The following COL4A4 variants were observed in gnomAD, a reference collection of about 807,000 sequenced individuals.
COL4A4 encodes collagen alpha-4(IV) chain.
In COL4A4, 105 loss-of-function variants were observed where a neutral mutation model predicts 192.9. That is an observed-to-expected ratio of 0.54 (90% CI 0.46 to 0.64). COL4A4 has a LOEUF of 0.64. Ranked by LOEUF, COL4A4 falls within the 30% of genes least tolerant of loss-of-function variation. COL4A4 has a pLI of 0.00. For missense variants in COL4A4, 1,967 were observed against 2,169.3 expected (o/e 0.91, Z 1.85); for synonymous variants, 762 against 769.9 (o/e 0.99, Z 0.17).
intron 33 of COL4A4, 73 bp from the exon 34 acceptor site, chr2:227,050,204 T>C (rs1001196501): frequency 7.2e-7 from 1 of 1,396,458 alleles, no homozygotes; most frequent in East Asian, 2.3e-5. Context: ...CACGATCCAG[T>C]TGTAATTTTC....
chr2:227,022,308 ATGTT>A (rs1966164941), intron 43 of COL4A4, 135 bp from the exon 44 acceptor site: 1 of 1,181,236 alleles, frequency 8.5e-7, no homozygotes, highest in South Asian at 1.2e-5. Flanking sequence ...TTCAGTATAA[ATGTT>A]TGTAAAGATT....
the COL4A4 span, among the ~76,000 whole-genome samples, chr2:226,982,081 G>T: frequency 1.3e-5 from 2 of 152,018 alleles, no homozygotes; most frequent in Admixed American, 1.3e-4. Context: ...ACTTCCCCCC[G>T]CCCTCTTTTC....
chr2:227,008,730 G>T (rs1962782532), intron 46 of COL4A4, among the ~76,000 whole-genome samples: 2 of 152,354 alleles, frequency 1.3e-5, no homozygotes, highest in South Asian at 4.1e-4. Flanking sequence ...AGCCAGGCTT[G>T]GAGATGGTGG....
chr2:226,975,158 A>G, the COL4A4 span, among the ~76,000 whole-genome samples: 2 of 152,222 alleles, frequency 1.3e-5, no homozygotes, highest in Admixed American at 6.5e-5. Context: ...CCAAGATTTA[A>G]TATGGTGCCC....
intron 18 of COL4A4, 105 bp from the exon 19 acceptor site, chr2:227,098,903 A>G: frequency 1.1e-6 from 1 of 931,398 alleles, no homozygotes; most frequent in East Asian, 2.6e-5. Context: ...ATTAGGAGAC[A>G]TTTTTGCAGT....
rs2059641025 is a variant in COL4A4, at chr2:227,087,059, C to T, written c.1623+1594G>A. 1.3e-5 allele frequency among the ~76,000 whole-genome samples: 2 copies of T among 152,130 alleles called. 1 individual carries two copies. Among genetic ancestry groups the T allele is most frequent in the African/African-American group, 4.8e-5 (2 of 41,422 alleles). ...GCTTGATGGTCAAGTTCCAGGCCATCCCAGGATTGAGCCTTGTTAATAAGG... is the reference window on the plus strand; with the variant it reads ...GCTTGATGGTCAAGTTCCAGGCCATTCCAGGATTGAGCCTTGTTAATAAGG... On this transcript the variant is annotated intron_variant, in intron 22 of 47. Coordinates refer to ENST00000396625, the MANE Select transcript of COL4A4 (RefSeq NM_000092.5).
At chr2:227,137,183 A>G (rs1373738965) in intron 4 of COL4A4, among the ~76,000 whole-genome samples, 2 of 151,660 alleles carry the variant, frequency 1.3e-5, no homozygotes, top group Non-Finnish European at 2.9e-5. Flanking sequence ...GAGACTGCTT[A>G]GAGGGTGGAA....
intron 4 of COL4A4, among the ~76,000 whole-genome samples, chr2:227,125,955 A>C (rs568521263): frequency 1.3e-5 from 2 of 152,258 alleles, no homozygotes; most frequent in South Asian, 4.2e-4. Flanking sequence ...AGAGAACAAC[A>C]AACTCTTTAT....
chr2:227,089,588 C>CATATAT lies in COL4A4; in HGVS notation c.1459+274_1459+279dup, dbSNP rs527917534. ...CAAAATTCATGGCAGGCAAATGTTC[C>CATATAT]ATATATATATATATATATATACATA... On this transcript the variant is annotated intron_variant, in intron 21 of 47. Coordinates refer to ENST00000396625, the MANE Select transcript of COL4A4 (RefSeq NM_000092.5). 2.0e-3 allele frequency among the ~76,000 whole-genome samples: 205 copies of CATATAT among 102,210 alleles called. 6 individuals carry two copies. The highest frequency in any genetic ancestry group is 5.8e-3 in the African/African-American group (166 of 28,414). The allele number at this position is 102,210 out of a possible 152,430, so 67.1% of individuals were successfully genotyped here. A position where few individuals can be genotyped will look rare whatever the true frequency, so the allele number is the denominator to read the frequency against.
At chr2:227,138,206 C>T (rs2062947409) in intron 4 of COL4A4, among the ~76,000 whole-genome samples, 1 of 151,792 alleles carries the variant, frequency 6.6e-6, no homozygotes, top group Admixed American at 6.6e-5. Context: ...TAGGCCCAGC[C>T]ACTTGGGAGG....
At chr2:227,113,321 T>G (rs2061323315) in intron 8 of COL4A4, among the ~76,000 whole-genome samples, 1 of 152,164 alleles carries the variant, frequency 6.6e-6, no homozygotes, top group Non-Finnish European at 1.5e-5. Flanking sequence ...TACAGGTCAT[T>G]TTTATTAGGG....
At chr2:226,971,036 C>T in the COL4A4 span, among the ~76,000 whole-genome samples, 1 of 152,170 alleles carries the variant, frequency 6.6e-6, no homozygotes, top group Non-Finnish European at 1.5e-5. Flanking sequence ...TGGTACATTT[C>T]GTAGACACTT....
the COL4A4 span, among the ~76,000 whole-genome samples, chr2:226,990,082 T>A: frequency 2.0e-5 from 3 of 152,236 alleles, no homozygotes; most frequent in Admixed American, 2.0e-4. Context: ...TAAGTTAATT[T>A]CACACTATTT....
At chr2:227,151,696 G>T (rs2063958234) in intron 1 of COL4A4, among the ~76,000 whole-genome samples, 1 of 152,186 alleles carries the variant, frequency 6.6e-6, no homozygotes, top group Non-Finnish European at 1.5e-5. Flanking sequence ...AAGAGGTGAG[G>T]CATCTGGGAC....
At chr2:227,140,103 T>C (rs1242614693) in intron 4 of COL4A4, 58 bp downstream of exon 4, 1 of 1,439,274 alleles carries the variant, frequency 6.9e-7, no homozygotes, top group African/African-American at 1.4e-5. Context: ...TTATATTAAA[T>C]ATTCACAAGT....
intron 1 of COL4A4, among the ~76,000 whole-genome samples, chr2:227,159,477 T>A (rs1179722553): frequency 1.3e-5 from 2 of 152,238 alleles, no homozygotes; most frequent in Non-Finnish European, 2.9e-5. Context: ...GGAACATAGA[T>A]TATACCTCAA....
the COL4A4 span, chr2:226,995,598 T>C: frequency 1.0e-6 from 1 of 975,598 alleles, no homozygotes; most frequent in African/African-American, 1.6e-5. Flanking sequence ...CCCTAATTCA[T>C]TTTAATTCAT....
chr2:227,032,252 C>G lies in COL4A4; in HGVS notation c.3602G>C (p.Gly1201Ala). 1 of 1,613,942 alleles carries G rather than the reference C, an allele frequency of 6.2e-7. No individual in the cohort carries two copies. Among genetic ancestry groups the G allele is most frequent in the Non-Finnish European group, 8.5e-7 (1 of 1,179,852 alleles). The change falls in exon 39 of 48, where the codon GGT (glycine) becomes GCT (alanine). Residue 1201 changes from glycine (G) to alanine (A), a missense_variant. Transcript: ENST00000396625. ...TTTTAGCCCAGGTATTCCCACTGGA[C>G]CAGGTGGCCCCACATCATGCAAACC... ...ASGLHDVGPP[G>A]PVGIPGLKGE...
intron 15 of COL4A4, 83 bp downstream of exon 15, chr2:227,102,706 G>C: frequency 8.6e-7 from 1 of 1,162,588 alleles, no homozygotes; most frequent in East Asian, 2.3e-5. Flanking sequence ...TTTTGAGCTT[G>C]TGGGACTACT....
Sources: allele counts gnomAD v4.1 joint callset (sites outside exome capture counted in the v4.1 genomes callset), GRCh38; gene constraint gnomAD v4.1.1; transcripts MANE v1.5; gene names NCBI Gene and HGNC (gene_info 2026-07-23, HGNC 2026-07-21).